DNAJC3: variants seen among roughly 807,000 people sequenced by gnomAD.
DNAJC3 encodes the protein dnaJ homolog subfamily C member 3.
A neutral mutation model predicts 68.6 loss-of-function variants in DNAJC3; 38 were observed. The ratio of observed to expected loss-of-function variants is 0.55; its 90% CI spans 0.43 to 0.73. The LOEUF (loss-of-function observed/expected upper bound fraction) is 0.73, where lower values mean the gene tolerates loss of function less well. Among genes scored for constraint, DNAJC3 ranks in the 30% least tolerant of loss-of-function variants. The probability of loss-of-function intolerance (pLI) is 0.00; values close to 1 mark genes in which losing one functional copy is unlikely to be tolerated. For synonymous variants in DNAJC3, 203 were observed against 204.0 expected (o/e 1.00, Z 0.04); for missense variants, 526 against 591.9 (o/e 0.89, Z 1.16).
At chr13:95,789,723 A>G (rs1883707838) in intron 11 of DNAJC3, among the ~76,000 whole-genome samples, 2 of 152,250 alleles carry the variant, frequency 1.3e-5, no homozygotes, top group African/African-American at 4.8e-5. Context: ...GAATTGCCAC[A>G]CTGTCTTCCA....
chr13:95,770,587 A>C (rs1236356587), intron 9 of DNAJC3, among the ~76,000 whole-genome samples: 1 of 152,254 alleles, frequency 6.6e-6, no homozygotes. Flanking sequence ...GTTAGTGTGC[A>C]GGACAAATTA....
chr13:95,693,121 C>T (rs1880325526), intron 1 of DNAJC3: 1 of 152,204 alleles, frequency 6.6e-6, no homozygotes, highest in Non-Finnish European at 1.5e-5. Context: ...CGCCCCACCG[C>T]ACCCATGCCT....
At chr13:95,678,840 C>T (rs945303634) in intron 1 of DNAJC3, among the ~76,000 whole-genome samples, 3 of 152,068 alleles carry the variant, frequency 2.0e-5, no homozygotes, top group African/African-American at 7.2e-5. Context: ...CTCTTCATTT[C>T]CCTCCTGTGG....
chr13:95,760,042 T>C lies in DNAJC3; in HGVS notation c.549T>C (p.Val183=). 2 of 1,587,588 alleles carry C rather than the reference T, an allele frequency of 1.3e-6. No homozygotes were observed. Among genetic ancestry groups the C allele is most frequent in the African/African-American group, 1.4e-5 (1 of 73,868 alleles). ...GTCTAGTTCTTTTGTTCCTCAAGGT[T>C]TGTGTTTGGGATGCAGAACTACGGG... ...AIAFLDKILE[V]CVWDAELREL... The change falls in exon 6 of 12, where the codon GTT becomes GTC. Residue 183 remains valine (V), a splice_region_variant and synonymous_variant. Transcript: ENST00000602402.
chr13:95,773,731 C>CTTTTTTTTTTTTT (rs143145399), intron 9 of DNAJC3, among the ~76,000 whole-genome samples: 7 of 71,336 alleles, frequency 9.8e-5, no homozygotes, highest in Middle Eastern at 0.016. Flanking sequence ...TTTTGTTGGT[C>CTTTTTTTTTTTTT]TTTTTTTTTT....
At chr13:95,732,528 TTTTG>T (rs1189955037) in intron 4 of DNAJC3, among the ~76,000 whole-genome samples, 1 of 148,236 alleles carries the variant, frequency 6.7e-6, no homozygotes, top group Non-Finnish European at 1.5e-5. Context: ...AATATTTCCT[TTTTG>T]TTTCCGATTT....
chr13:95,722,936 G>A (rs1169779718), intron 2 of DNAJC3, among the ~76,000 whole-genome samples: 4 of 150,330 alleles, frequency 2.7e-5, no homozygotes, highest in Non-Finnish European at 2.9e-5. Flanking sequence ...TCGGCTTTGC[G>A]GCCACAGTCT....
chr13:95,765,980 A>G (rs2139680318), intron 9 of DNAJC3, among the ~76,000 whole-genome samples: 1 of 152,318 alleles, frequency 6.6e-6, no homozygotes, highest in Non-Finnish European at 1.5e-5. Context: ...GAAAGAAAGG[A>G]AAAGAGCCTG....
intron 11 of DNAJC3, 47 bp from the exon 12 acceptor site, chr13:95,790,826 T>C: frequency 2.3e-6 from 3 of 1,277,786 alleles, no homozygotes; most frequent in Admixed American, 2.1e-5. Flanking sequence ...CCCCTGCCCC[T>C]ATACCTTAGA....
chr13:95,709,290 C>T lies in DNAJC3; in HGVS notation c.146C>T (p.Ala49Val), dbSNP rs1360573930. Residue 49 changes from alanine (A) to valine (V), a missense_variant, in exon 2 of 12, where the codon GCA (alanine) becomes GTA (valine). Transcript: ENST00000602402. ...CTTGAATTGGGCAAGAAATTACTTG[C>T]AGCTGGACAGCTAGCTGATGCTTTA... ...KHLELGKKLL[A>V]AGQLADALSQ... is the part of the protein sequence containing the mutation. The T allele has an allele frequency of 6.3e-7, 1 of 1,588,518 alleles. No homozygotes were observed. Among genetic ancestry groups the T allele is most frequent in the Non-Finnish European group, 8.6e-7 (1 of 1,168,658 alleles).
At chr13:95,712,869 C>T (rs565284606) in intron 2 of DNAJC3, among the ~76,000 whole-genome samples, 1 of 152,250 alleles carries the variant, frequency 6.6e-6, no homozygotes, top group South Asian at 2.1e-4. Flanking sequence ...GGGGAAAATA[C>T]AGTTTTACTT....
Position 95,791,118 on chromosome 13 carries a change from A to T in DNAJC3, c.*88A>T, listed in dbSNP as rs1230804119. ...GGGACCCTAATGAAAAAAAATTTCA[A>T]ATCTTTTCAGTTTGTCCATGACCAA... On this transcript the variant is annotated 3_prime_UTR_variant, in exon 12 of 12. Coordinates refer to ENST00000602402, the MANE Select transcript of DNAJC3 (RefSeq NM_006260.5). 1.3e-6 allele frequency: 2 copies of T among 1,490,680 alleles called. No homozygotes were observed. The highest frequency in any genetic ancestry group is 2.0e-5 in the Admixed American group (1 of 49,662). The allele number at this position is 1,490,680 out of a possible 1,614,324, so 92.3% of individuals were successfully genotyped here.
intron 2 of DNAJC3, among the ~76,000 whole-genome samples, chr13:95,711,589 GA>G (rs1487689914): frequency 6.6e-6 from 1 of 151,700 alleles, no homozygotes; most frequent in African/African-American, 2.4e-5. Context: ...GGGAAAAGTG[GA>G]AAAAAAGATA....
intron 1 of DNAJC3, among the ~76,000 whole-genome samples, chr13:95,692,193 C>A (rs993358771): frequency 6.6e-5 from 10 of 152,086 alleles, no homozygotes; most frequent in African/African-American, 2.2e-4. Context: ...CATGGCCAAG[C>A]ATATGGTTGA....
chr13:95,677,489 C>G, intron 1 of DNAJC3, 152 bp downstream of exon 1: 1 of 748,810 alleles, frequency 1.3e-6, no homozygotes, highest in South Asian at 2.4e-5. Flanking sequence ...TGAGCCCGCG[C>G]CCGGTTCCGG....
At chr13:95,778,883 T>C (rs921215929) in intron 9 of DNAJC3, among the ~76,000 whole-genome samples, 1 of 152,174 alleles carries the variant, frequency 6.6e-6, no homozygotes, top group Non-Finnish European at 1.5e-5. Flanking sequence ...TTTTTATTTA[T>C]GTATTATAAT....
intron 4 of DNAJC3, among the ~76,000 whole-genome samples, chr13:95,741,605 G>A (rs1030174580): frequency 1.3e-5 from 2 of 152,134 alleles, no homozygotes; most frequent in African/African-American, 2.4e-5. Flanking sequence ...GGGTGGGTCC[G>A]TGGGTCCCTG....
intron 9 of DNAJC3, among the ~76,000 whole-genome samples, chr13:95,782,969 C>G (rs1237891157): frequency 6.6e-6 from 1 of 152,130 alleles, no homozygotes; most frequent in Non-Finnish European, 1.5e-5. Flanking sequence ...AGTCTTTAGT[C>G]CACCTCGAGT....
At chr13:95,782,631 G>A (rs146414458) in intron 9 of DNAJC3, among the ~76,000 whole-genome samples, 2,290 of 152,120 alleles carry the variant, frequency 0.015, 60 homozygotes, top group African/African-American at 0.052. Context: ...CATATCCTTC[G>A]CCCACTTTTT....
Sources: allele counts gnomAD v4.1 joint callset (sites outside exome capture counted in the v4.1 genomes callset), GRCh38; gene constraint gnomAD v4.1.1; transcripts MANE v1.5; gene names NCBI Gene and HGNC (gene_info 2026-07-23, HGNC 2026-07-21).